Variants in RBFOX1 observed in about 807,000 individuals in gnomAD.
RBFOX1 encodes RNA binding protein fox-1 homolog 1.
A neutral mutation model predicts 57.7 loss-of-function variants in RBFOX1; 8 were observed. The ratio of observed to expected loss-of-function variants is 0.14; its 90% CI spans 0.08 to 0.25. The LOEUF (loss-of-function observed/expected upper bound fraction) is 0.25, where lower values mean the gene tolerates loss of function less well. Ranked by LOEUF, RBFOX1 falls within the 10% of genes least tolerant of loss-of-function variation. RBFOX1 has a pLI of 1.00. For synonymous variants in RBFOX1, 326 were observed against 222.4 expected, an observed-to-expected ratio of 1.47 and a Z score of -4.15; for missense variants, 611 against 548.5, an observed-to-expected ratio of 1.11 and a Z score of -1.14.
intron 1 of RBFOX1, among the ~76,000 whole-genome samples, chr16:6,130,819 A>G (rs1373082511): frequency 6.6e-6 from 1 of 152,210 alleles, no homozygotes. Context: ...CATGAGGAAG[A>G]TATAACAGCC....
intron 1 of RBFOX1, among the ~76,000 whole-genome samples, chr16:5,370,280 C>T (rs2065824191): frequency 6.6e-6 from 1 of 152,012 alleles, no homozygotes; most frequent in Admixed American, 6.6e-5. Flanking sequence ...AACAGACAAG[C>T]CCCCAAGCGT....
At chr16:6,525,108 G>A (rs1438936700) in intron 2 of RBFOX1, among the ~76,000 whole-genome samples, 1 of 152,118 alleles carries the variant, frequency 6.6e-6, no homozygotes, top group African/African-American at 2.4e-5. Flanking sequence ...ACACAAAACT[G>A]TAAAACAGAG....
In RBFOX1 at chr16:7,593,932, C is replaced by T. The variant is rs191922130; in HGVS notation, c.469-1617C>T. Among the ~76,000 whole-genome samples, 443 of 152,214 alleles carry T rather than the reference C, an allele frequency of 2.9e-3. 3 individuals are homozygous for T. The highest frequency in any genetic ancestry group is 0.01 in the African/African-American group (421 of 41,544). ...TCTTCTGTGGCTGATGAGCCTATTCCGACTGTTGAAAAGTTCCGTTAGCCA... is the reference window on the plus strand; with the variant it reads ...TCTTCTGTGGCTGATGAGCCTATTCTGACTGTTGAAAAGTTCCGTTAGCCA... On this transcript the variant is annotated intron_variant, in intron 7 of 15. Transcript: ENST00000550418.
intron 4 of RBFOX1, among the ~76,000 whole-genome samples, chr16:7,113,009 G>T (rs1041941990): frequency 8.5e-5 from 13 of 152,108 alleles, no homozygotes; most frequent in Admixed American, 4.6e-4. Context: ...TGAATTCAGG[G>T]GTGAGTCAGA....
chr16:7,673,978 A>G (rs1419872047), intron 13 of RBFOX1, among the ~76,000 whole-genome samples: 2 of 152,212 alleles, frequency 1.3e-5, no homozygotes, highest in Non-Finnish European at 2.9e-5. Flanking sequence ...GGAACCTTGA[A>G]GAAGTTCTGG....
intron 4 of RBFOX1, among the ~76,000 whole-genome samples, chr16:7,166,029 G>A (rs1191806194): frequency 6.6e-6 from 1 of 151,514 alleles, no homozygotes; most frequent in South Asian, 2.1e-4. Flanking sequence ...TGTTGTTGTT[G>A]TTGAGGTGGA....
intron 4 of RBFOX1, among the ~76,000 whole-genome samples, chr16:7,082,238 C>G (rs183301247): frequency 2.6e-5 from 4 of 152,268 alleles, no homozygotes; most frequent in Admixed American, 1.3e-4. Flanking sequence ...TCAGGAGCTT[C>G]AGTTGTACAG....
chr16:6,602,331 C>G (rs200546245), intron 2 of RBFOX1, among the ~76,000 whole-genome samples: 40 of 152,136 alleles, frequency 2.6e-4, no homozygotes, highest in African/African-American at 8.4e-4. Flanking sequence ...TGAAAAAGTC[C>G]GACGTATTCT....
At chr16:7,107,154 G>C (rs1448733066) in intron 4 of RBFOX1, among the ~76,000 whole-genome samples, 1 of 152,120 alleles carries the variant, frequency 6.6e-6, no homozygotes, top group African/African-American at 2.4e-5. Context: ...TTGTATCCAG[G>C]GAGAACAGAA....
At chr16:6,429,248 G>A (rs2094011207) in intron 2 of RBFOX1, among the ~76,000 whole-genome samples, 1 of 152,240 alleles carries the variant, frequency 6.6e-6, no homozygotes, top group Non-Finnish European at 1.5e-5. Context: ...TGGGAGAAAA[G>A]GTCTTGATGA....
At chr16:6,790,759 C>G (rs2082786304) in intron 3 of RBFOX1, among the ~76,000 whole-genome samples, 1 of 152,110 alleles carries the variant, frequency 6.6e-6, no homozygotes, top group Non-Finnish European at 1.5e-5. Context: ...CCTCCTTATT[C>G]TTGTCAAAAG....
chr16:6,191,002 TC>T (rs1291328960), intron 1 of RBFOX1, among the ~76,000 whole-genome samples: 1 of 152,070 alleles, frequency 6.6e-6, no homozygotes. Context: ...CTCTCCCGAT[TC>T]TGTCTGCTTG....
At chr16:6,618,112 C>T (rs2098170250) in intron 2 of RBFOX1, among the ~76,000 whole-genome samples, 1 of 152,016 alleles carries the variant, frequency 6.6e-6, no homozygotes, top group Admixed American at 6.5e-5. Context: ...TTTCTTCCAC[C>T]TTATCCTAAC....
At chr16:7,198,376 A>G (rs189662004) in intron 4 of RBFOX1, among the ~76,000 whole-genome samples, 1 of 152,356 alleles carries the variant, frequency 6.6e-6, no homozygotes, top group African/African-American at 2.4e-5. Context: ...TAGTTGTGCA[A>G]CATTGTGAAT....
intron 3 of RBFOX1, among the ~76,000 whole-genome samples, chr16:5,666,781 A>C (rs2049858931): frequency 6.6e-6 from 1 of 152,224 alleles, no homozygotes; most frequent in South Asian, 2.1e-4. Flanking sequence ...TGAAGTTGTT[A>C]TGTGAAGACA....
intron 3 of RBFOX1, among the ~76,000 whole-genome samples, chr16:5,855,976 CTTTTTT>C (rs1160702604): frequency 7.7e-5 from 6 of 77,698 alleles, no homozygotes; most frequent in Admixed American, 1.3e-4. Context: ...GTATGTTATT[CTTTTTT>C]TTTTTTTTTT....
At position 5,678,435 on chromosome 16, in the gene RBFOX1, C is replaced by A. The variant is rs572495039; in HGVS notation, c.318+79474C>A. Among the ~76,000 whole-genome samples, 570 of 152,292 alleles carry A rather than the reference C, an allele frequency of 3.7e-3. 2 individuals carry two copies. The highest frequency in any genetic ancestry group is 6.1e-3 in the Non-Finnish European group (417 of 68,024). ...AGTTTCTATTGTTCTTAAACAAGAA[C>A]CCTAATCAATATAGAAAGTAAATAG... On this transcript the variant is annotated intron_variant, in intron 3 of 19. Transcript: ENST00000641259.
intron 15 of RBFOX1, chr16:7,710,161 T>C (rs2083746871): frequency 9.7e-7 from 1 of 1,030,186 alleles, no homozygotes. Flanking sequence ...TCAGATTCCA[T>C]ACAGCTTACA....
At chr16:7,528,709 G>A (rs560605041) in intron 5 of RBFOX1, among the ~76,000 whole-genome samples, 1 of 152,094 alleles carries the variant, frequency 6.6e-6, no homozygotes, top group Admixed American at 6.5e-5. Flanking sequence ...GGCAGTATTT[G>A]GGTCATGCAT....
Sources: allele counts gnomAD v4.1 joint callset (sites outside exome capture counted in the v4.1 genomes callset), GRCh38; gene constraint gnomAD v4.1.1; transcripts MANE v1.5; gene names NCBI Gene and HGNC (gene_info 2026-07-23, HGNC 2026-07-21).